Variants in OAS1 observed in about 807,000 individuals in gnomAD.
OAS1 encodes the protein 2'-5'-oligoadenylate synthetase 1.
In OAS1, 24 loss-of-function variants were observed where a neutral mutation model predicts 38.5. The ratio of observed to expected loss-of-function variants is 0.62; its 90% confidence interval spans 0.45 to 0.88. The LOEUF (loss-of-function observed/expected upper bound fraction) is 0.88, where lower values mean the gene tolerates loss of function less well. OAS1 is among the 40% of genes least tolerant of loss of function. The pLI is 0.00. For synonymous variants in OAS1, 169 were observed against 193.9 expected, an observed-to-expected ratio of 0.87 and a Z score of 1.07; for missense variants, 482 against 493.9, an observed-to-expected ratio of 0.98 and a Z score of 0.23.
chr12:112,909,615 C>T (rs1317554523), intron 2 of OAS1, among the ~76,000 whole-genome samples: 8 of 152,142 alleles, frequency 5.3e-5, no homozygotes, highest in Admixed American at 5.2e-4. Context: ...CAGTGAGCCA[C>T]GAATGTACCA....
intron 6 of OAS1, among the ~76,000 whole-genome samples, chr12:112,926,199 C>T (rs1023336473): frequency 6.6e-6 from 1 of 152,186 alleles, no homozygotes; most frequent in Non-Finnish European, 1.5e-5. Flanking sequence ...TGTGCCCAGG[C>T]TGGTCTTGAA....
Position 112,907,011 on chromosome 12 carries a change from C to G in OAS1, c.-29C>G, listed in dbSNP as rs758312258. On this transcript the variant is annotated 5_prime_UTR_variant, in exon 1 of 6. Transcript: ENST00000202917. ...GATAAAAGCAAACAGGTCTGGGAGG[C>G]AGTTCTGTTGCCACTCTCTCTCCTG... 2 of 1,612,518 alleles carry G rather than the reference C, an allele frequency of 1.2e-6. No homozygotes were observed. Among genetic ancestry groups the G allele is most frequent in the Admixed American group, 1.7e-5 (1 of 59,996 alleles).
At chr12:112,927,148 C>T (rs771339626) in intron 6 of OAS1, among the ~76,000 whole-genome samples, 10 of 152,220 alleles carry the variant, frequency 6.6e-5, no homozygotes, top group African/African-American at 9.6e-5. Context: ...GTGCAGTTAA[C>T]GCAATCATCA....
Position 112,919,680 on chromosome 12 carries a change from C to G in OAS1, c.*127C>G. 6.4e-7 allele frequency: 1 copy of G among 1,561,178 alleles called. No individual in the cohort carries two copies. The highest frequency in any genetic ancestry group is 8.7e-7 in the Non-Finnish European group (1 of 1,150,956). On this transcript the variant is annotated 3_prime_UTR_variant, in exon 6 of 6. Coordinates refer to ENST00000202917, the MANE Select transcript of OAS1 (RefSeq NM_016816.4). Reference sequence around the variant, plus strand: ...AGCTGGTGTATAATCCAGGACAGAACCCAGGTCTCCTGACTCCTGGCCTTC... The same window carrying G: ...AGCTGGTGTATAATCCAGGACAGAAGCCAGGTCTCCTGACTCCTGGCCTTC...
At chr12:112,908,024 T>G (rs993729395) in intron 1 of OAS1, among the ~76,000 whole-genome samples, 1 of 152,242 alleles carries the variant, frequency 6.6e-6, no homozygotes, top group South Asian at 2.1e-4. Context: ...CTGCTTCTCT[T>G]GTATGTATAA....
chr12:112,919,251 C>A (rs2043507056), intron 5 of OAS1, 138 bp from the exon 6 acceptor site: 2 of 790,112 alleles, frequency 2.5e-6, no homozygotes, highest in Non-Finnish European at 4.1e-6. Flanking sequence ...TGACCACTGT[C>A]CCAGCAGCTG....
At chr12:112,917,801 G>C (rs1380698133) in intron 5 of OAS1, 101 bp downstream of exon 5, 1 of 1,612,606 alleles carries the variant, frequency 6.2e-7, no homozygotes, top group Non-Finnish European at 8.5e-7. Flanking sequence ...CTTACCTCTT[G>C]CCAAAGGCCA....
intron 1 of OAS1, 144 bp from the exon 2 acceptor site, chr12:112,908,392 T>C (rs996304331): frequency 5.7e-6 from 4 of 707,670 alleles, no homozygotes; most frequent in South Asian, 2.1e-5. Flanking sequence ...CATAGCATCA[T>C]TGTGAGCATT....
At chr12:112,908,509 A>G in intron 1 of OAS1, 27 bp from the exon 2 acceptor site, 6 of 1,593,374 alleles carry the variant, frequency 3.8e-6, no homozygotes, top group Non-Finnish European at 5.1e-6. Flanking sequence ...ACTAAGCATC[A>G]ATTATTATTT....
Position 112,917,684 on chromosome 12 carries a change from G to C in OAS1, c.1022G>C (p.Ser341Thr), listed in dbSNP as rs1301176950. The change falls in exon 5 of 6, where the codon AGC becomes ACC. Residue 341 changes from serine to threonine, a missense_variant. By Grantham distance (58) the Ser-to-Thr change is moderately conservative. Coordinates refer to ENST00000202917, the MANE Select transcript of OAS1 (RefSeq NM_016816.4). ...CFKNWDGSPV[S>T]SWILLAESNS... ...AAGAATTGGGATGGGTCCCCAGTGA[G>C]CTCCTGGATTCTGCTGGTGAGACCT... is the stretch of plus-strand genomic sequence containing the variant. 2.5e-6 allele frequency: 4 copies of C among 1,614,202 alleles called. No individual in the cohort carries two copies. The highest frequency in any genetic ancestry group is 1.3e-5 in the African/African-American group (1 of 75,040).
Position 112,907,081 on chromosome 12 carries a change from G to A in OAS1, c.42G>A (p.Lys14=), listed in dbSNP as rs2043304597. 20 of 1,614,138 alleles carry A rather than the reference G, an allele frequency of 1.2e-5. No individual in the cohort carries two copies. The highest frequency in any genetic ancestry group is 1.6e-5 in the Non-Finnish European group (19 of 1,180,060). The change falls in exon 1 of 6, where the codon AAG becomes AAA. Residue 14 remains lysine, a synonymous_variant. Coordinates refer to ENST00000202917, the MANE Select transcript of OAS1 (RefSeq NM_016816.4). The part of the protein sequence containing the change: ...LRNTPAKSLD[K]FIEDYLLPDT... ...ATACCCCAGCCAAATCTCTGGACAA[G>A]TTCATTGAAGACTATCTCTTGCCAG...
At chr12:112,917,784 CAA>C (rs1473090028) in intron 5 of OAS1, 84 bp downstream of exon 5, 1 of 1,613,808 alleles carries the variant, frequency 6.2e-7, no homozygotes, top group East Asian at 2.2e-5. Context: ...CCATTCTTTC[CAA>C]AGAACTTACC....
At position 112,919,757 on chromosome 12, in the gene OAS1, C is replaced by T. The variant is rs2043516422; in HGVS notation, c.*204C>T. 1.6e-5 allele frequency: 23 copies of T among 1,451,518 alleles called. No homozygotes were observed. In the Middle Eastern group the frequency reaches 5.5e-4, roughly 34 times the overall value. 89.9% of individuals were successfully genotyped at this position (1,451,518 alleles called of 1,614,324 possible). A position where few individuals can be genotyped will look rare whatever the true frequency, so the allele number is the denominator to read the frequency against. On this transcript the variant is annotated 3_prime_UTR_variant, in exon 6 of 6. Coordinates refer to ENST00000202917, the MANE Select transcript of OAS1 (RefSeq NM_016816.4). ...CATTCTCCACAGCCTCACTTCATTC[C>T]ACCTATTCTCTGAAAATATTCCCTG...
At chr12:112,926,587 G>A (rs1017382169) in intron 6 of OAS1, among the ~76,000 whole-genome samples, 8 of 151,930 alleles carry the variant, frequency 5.3e-5, no homozygotes, top group African/African-American at 1.9e-4. Flanking sequence ...TATAGGGTGT[G>A]GGTCACAGAG....
chr12:112,908,475 A>T, intron 1 of OAS1, 61 bp from the exon 2 acceptor site: 1 of 1,516,996 alleles, frequency 6.6e-7, no homozygotes, highest in Non-Finnish European at 8.9e-7. Context: ...TGCTCCTGTC[A>T]TTTTATTTAG....
intron 3 of OAS1, among the ~76,000 whole-genome samples, chr12:112,911,881 T>C (rs12307655): frequency 0.088 from 13,371 of 152,252 alleles, 1,951 homozygotes; most frequent in African/African-American, 0.3. Context: ...AATTTTCTGT[T>C]CACTTTTAAA....
downstream of OAS1, among the ~76,000 whole-genome samples, chr12:112,924,435 A>G (rs562570713): frequency 1.3e-5 from 2 of 148,318 alleles, no homozygotes; most frequent in East Asian, 3.9e-4. Flanking sequence ...AGAATTACAC[A>G]TATTAGCTTG....
intron 6 of OAS1, among the ~76,000 whole-genome samples, chr12:112,930,879 G>T (rs933211032): frequency 6.6e-6 from 1 of 152,174 alleles, no homozygotes; most frequent in African/African-American, 2.4e-5. Flanking sequence ...ATTCATTCGG[G>T]GAGCTCTTTC....
At chr12:112,929,641 A>T (rs2043585467) in intron 6 of OAS1, among the ~76,000 whole-genome samples, 1 of 152,200 alleles carries the variant, frequency 6.6e-6, no homozygotes, top group Admixed American at 6.5e-5. Context: ...GGTAGGTGCT[A>T]TTAACATCTT....
Sources: gnomAD v4.1 joint callset for allele counts (sites outside exome capture counted in the v4.1 genomes callset) on GRCh38, gnomAD v4.1.1 for gene constraint, MANE v1.5 for transcripts, NCBI Gene and HGNC (gene_info 2026-07-23, HGNC 2026-07-21) for gene names.